The following TLDC2 variants were observed in gnomAD, a reference collection of about 807,000 sequenced individuals.
TLDC2 encodes the protein TLD domain-containing protein 2.
In TLDC2, 23 loss-of-function variants were observed where a neutral mutation model predicts 27.9. The observed-to-expected ratio is 0.82, with a 90% CI of 0.59 to 1.17. TLDC2 has a LOEUF of 1.17. Ranked by LOEUF, TLDC2 falls within the 50% of genes most tolerant of loss-of-function variation. The pLI is 0.00. For missense variants in TLDC2, 286 were observed against 273.4 expected, an observed-to-expected ratio of 1.05 and a Z score of -0.32; for synonymous variants, 124 against 107.4, an observed-to-expected ratio of 1.16 and a Z score of -0.96.
intron 6 of TLDC2, chr20:36,892,192 C>T (rs1462893126): frequency 6.5e-6 from 1 of 152,732 alleles, no homozygotes; most frequent in Non-Finnish European, 1.5e-5. Context: ...CAGATCTTCC[C>T]CAAAACCTAA....
chr20:36,878,375 G>A (rs917099207), intron 2 of TLDC2, among the ~76,000 whole-genome samples: 33 of 152,130 alleles, frequency 2.2e-4, no homozygotes, highest in African/African-American at 7.5e-4. Flanking sequence ...GAGGCCAGGA[G>A]CTGGAGACGA....
At chr20:36,887,275 A>G (rs190600119) in intron 4 of TLDC2, among the ~76,000 whole-genome samples, 180 bp from the exon 5 acceptor site, 1 of 151,434 alleles carries the variant, frequency 6.6e-6, no homozygotes, top group Non-Finnish European at 1.5e-5. Context: ...TGCGGTGGTG[A>G]CTCCAAGGAG....
At chr20:36,891,617 G>T (rs770194723) in intron 6 of TLDC2, 1 of 152,288 alleles carries the variant, frequency 6.6e-6, no homozygotes, top group Non-Finnish European at 1.5e-5. Flanking sequence ...CCACTGCTGG[G>T]AAAACGAAGT....
At position 36,883,835 on chromosome 20, in the gene TLDC2, T is replaced by G. The variant is rs567384727; in HGVS notation, c.438+3085T>G. Among the ~76,000 whole-genome samples, 16 of 152,360 alleles carry G rather than the reference T, an allele frequency of 1.1e-4. No homozygotes were observed. In the East Asian group the frequency reaches 2.9e-3, roughly 28 times the overall value. The stretch of plus-strand genomic sequence containing the variant: ...AGGGCAGGGCTCAGTGGCTCATGCC[T>G]GTAATCCCAGCACTTTGGGAGGCCG... On this transcript the variant is annotated intron_variant, in intron 4 of 6. Coordinates refer to ENST00000217320, the MANE Select transcript of TLDC2 (RefSeq NM_080628.3).
intron 4 of TLDC2, among the ~76,000 whole-genome samples, chr20:36,886,756 G>A (rs1398604060): frequency 6.6e-6 from 1 of 152,044 alleles, no homozygotes; most frequent in Non-Finnish European, 1.5e-5. Context: ...ATCACACCTA[G>A]CTAGTTAAAA....
At chr20:36,876,293 G>A (rs746584866) in intron 1 of TLDC2, 86 bp downstream of exon 1, 1 of 1,570,924 alleles carries the variant, frequency 6.4e-7, no homozygotes, top group African/African-American at 1.4e-5. Flanking sequence ...GGCTAGGGTT[G>A]GATGCGGGCA....
At chr20:36,876,870 A>G (rs1205092786) in intron 1 of TLDC2, among the ~76,000 whole-genome samples, 1 of 152,170 alleles carries the variant, frequency 6.6e-6, no homozygotes, top group Non-Finnish European at 1.5e-5. Context: ...CACAACTCAC[A>G]CAAACACATT....
In TLDC2 at chr20:36,887,488, G is replaced by A. The variant is rs541072916; in HGVS notation, c.472G>A (p.Val158Met). Residue 158 changes from valine to methionine, a missense_variant, in exon 5 of 7, where the codon GTG becomes ATG. Physicochemically the swap from Val to Met is conservative, Grantham distance 21 (BLOSUM62 1). Coordinates refer to ENST00000217320, the MANE Select transcript of TLDC2 (RefSeq NM_080628.3). ...FKWTGSNSFF[V>M]KGDLDSLMMG... is the part of the protein sequence containing the mutation. ...GTGGACTGGAAGCAACTCTTTCTTT[G>A]TGAAGGGAGACTTGGATTCACTGAT... 3 of 1,614,130 alleles carry A rather than the reference G, an allele frequency of 1.9e-6. No individual in the cohort carries two copies. In the African/African-American group the frequency reaches 4.0e-5, roughly 22 times the overall value.
At chr20:36,883,835 T>C (rs567384727) in intron 4 of TLDC2, among the ~76,000 whole-genome samples, 1 of 152,242 alleles carries the variant, frequency 6.6e-6, no homozygotes, top group Non-Finnish European at 1.5e-5. Flanking sequence ...GGCTCATGCC[T>C]GTAATCCCAG....
chr20:36,880,733 T>G lies in TLDC2; in HGVS notation c.421T>G (p.Phe141Val). The G allele has an allele frequency of 6.2e-7, 1 of 1,614,102 alleles. No individual in the cohort carries two copies. Among genetic ancestry groups the G allele is most frequent in the East Asian group, 2.2e-5 (1 of 44,880 alleles). The part of the protein sequence containing the change: ...YGTGETFLFS[F>V]SPQLKVFKWT... ...TACTGGCGAGACATTCCTCTTCTCC[T>G]TCTCCCCACAGCTGAAGGTGATGTT... The change falls in exon 4 of 7, where the codon TTC becomes GTC. Residue 141 changes from phenylalanine (F) to valine (V), a missense_variant. By Grantham distance (50) the Phe-to-Val change is conservative (BLOSUM62 -1). Transcript: ENST00000217320.
intron 5 of TLDC2, 82 bp downstream of exon 5, chr20:36,887,610 C>T: frequency 1.5e-6 from 2 of 1,350,418 alleles, no homozygotes; most frequent in Non-Finnish European, 2.1e-6. Flanking sequence ...GGCTAGGCTG[C>T]CCTTGATGCA....
intron 2 of TLDC2, 23 bp from the exon 3 acceptor site, chr20:36,879,018 T>C: frequency 2.5e-6 from 4 of 1,614,062 alleles, no homozygotes; most frequent in Non-Finnish European, 3.4e-6. Context: ...AACTCCTCCA[T>C]TCACCTCCAA....
In TLDC2 at chr20:36,893,212, C is replaced by T. The variant is rs1021530519; in HGVS notation, c.*368C>T. On this transcript the variant is annotated 3_prime_UTR_variant, in exon 7 of 7. Transcript: ENST00000217320. ...CTCAATCCAGGGAAACTCCAAATTACATATGCCCTGTGCTTGGGGCAAATT... is the reference window on the plus strand; with the variant it reads ...CTCAATCCAGGGAAACTCCAAATTATATATGCCCTGTGCTTGGGGCAAATT... 2.6e-5 allele frequency: 25 copies of T among 979,148 alleles called. No homozygotes were observed. In the African/African-American group the frequency reaches 3.6e-4, roughly 14 times the overall value. The allele number at this position is 979,148 out of a possible 1,614,324, so 60.7% of individuals were successfully genotyped here.
At position 36,892,215 on chromosome 20, in the gene TLDC2, C is replaced by G. The variant is rs1990092783; in HGVS notation, c.*18-647C>G. ...CCCCAAAACCTAATCAGGCCTCTCA[C>G]CAGCGTGTTGGAGGCCACTCCTGGC... On this transcript the variant is annotated intron_variant, in intron 6 of 6. Coordinates refer to ENST00000217320, the MANE Select transcript of TLDC2 (RefSeq NM_080628.3). The G allele has an allele frequency of 1.3e-5, 2 of 153,210 alleles. No homozygotes were observed. Among genetic ancestry groups the G allele is most frequent in the Admixed American group, 6.5e-5 (1 of 15,352 alleles). 9.5% of individuals were successfully genotyped at this position (153,210 alleles called of 1,614,324 possible).
chr20:36,876,648 C>T (rs1458840042), intron 1 of TLDC2, among the ~76,000 whole-genome samples: 3 of 152,052 alleles, frequency 2.0e-5, no homozygotes, highest in Non-Finnish European at 2.9e-5. Context: ...CACACTCACA[C>T]GCATACACAT....
At position 36,886,070 on chromosome 20, in the gene TLDC2, G is replaced by A. The variant is rs114179192; in HGVS notation, c.439-1385G>A. On this transcript the variant is annotated intron_variant, in intron 4 of 6. Coordinates refer to ENST00000217320, the MANE Select transcript of TLDC2 (RefSeq NM_080628.3). ...GCTAATGTGTAGTCAATAAGGGGGA[G>A]AAGGGGCCAGAGAGAAAATCAGGGG... Among the ~76,000 whole-genome samples the A allele has an allele frequency of 3.5e-3, 534 of 152,302 alleles. 5 individuals are homozygous for A. Among genetic ancestry groups the A allele is most frequent in the African/African-American group, 0.012 (518 of 41,560 alleles).
chr20:36,880,403 A>C (rs531350098), intron 3 of TLDC2, among the ~76,000 whole-genome samples: 43 of 151,954 alleles, frequency 2.8e-4, no homozygotes, highest in Non-Finnish European at 5.7e-4. Flanking sequence ...GCCCAGAATA[A>C]GTATATTTAA....
At chr20:36,887,600 G>A (rs1989951275) in intron 5 of TLDC2, 72 bp downstream of exon 5, 1 of 1,440,062 alleles carries the variant, frequency 6.9e-7, no homozygotes, top group Non-Finnish European at 9.8e-7. Context: ...CGAACTGCTG[G>A]GCTAGGCTGC....
chr20:36,880,713 G>A lies in TLDC2; in HGVS notation c.401G>A (p.Gly134Asp). The A allele has an allele frequency of 6.2e-7, 1 of 1,614,198 alleles. No homozygotes were observed. The highest frequency in any genetic ancestry group is 8.5e-7 in the Non-Finnish European group (1 of 1,180,030). Residue 134 changes from glycine (G) to aspartate (D), a missense_variant, in exon 4 of 7, where the codon GGC becomes GAC. By Grantham distance (94) the Gly-to-Asp change is moderately conservative (BLOSUM62 -1). Coordinates refer to ENST00000217320, the MANE Select transcript of TLDC2 (RefSeq NM_080628.3). Reference sequence around the variant, plus strand: ...CTCAGCAAAGGCTTCTATGGTACTGGCGAGACATTCCTCTTCTCCTTCTCC... The same window carrying A: ...CTCAGCAAAGGCTTCTATGGTACTGACGAGACATTCCTCTTCTCCTTCTCC... The part of the protein sequence containing the change: ...IRLSKGFYGT[G>D]ETFLFSFSPQ...
Sources: gnomAD v4.1 joint callset for allele counts (sites outside exome capture counted in the v4.1 genomes callset) on GRCh38, gnomAD v4.1.1 for gene constraint, MANE v1.5 for transcripts, NCBI Gene and HGNC (gene_info 2026-07-23, HGNC 2026-07-21) for gene names.